Variants in THSD4 observed in about 807,000 individuals in gnomAD.
THSD4 encodes the protein thrombospondin type-1 domain-containing protein 4.
A neutral mutation model predicts 119.0 loss-of-function variants in THSD4; 69 were observed. The observed-to-expected ratio is 0.58, with a 90% CI of 0.48 to 0.71. The LOEUF is 0.71. Ranked by LOEUF, THSD4 falls within the 30% of genes least tolerant of loss-of-function variation. The probability of loss-of-function intolerance (pLI) is 0.00; values close to 1 mark genes in which losing one functional copy is unlikely to be tolerated. For synonymous variants in THSD4, 524 were observed against 540.4 expected, an observed-to-expected ratio of 0.97 and a Z score of 0.42; for missense variants, 1,393 against 1,391.1, an observed-to-expected ratio of 1.00 and a Z score of -0.02.
At chr15:71,730,636 G>A (rs1478207464) in intron 9 of THSD4, 1 of 153,822 alleles carries the variant, frequency 6.5e-6, no homozygotes, top group African/African-American at 2.4e-5. Context: ...AGGGACCTGG[G>A]GGCCAGCCTC....
intron 6 of THSD4, among the ~76,000 whole-genome samples, chr15:71,390,709 G>A (rs909530754): frequency 6.6e-6 from 1 of 152,128 alleles, no homozygotes; most frequent in South Asian, 2.1e-4. Context: ...ACAGAGTAGA[G>A]TTGGAAGGGG....
chr15:71,665,347 GTT>G (rs71154792), intron 8 of THSD4, among the ~76,000 whole-genome samples: 1 of 151,768 alleles, frequency 6.6e-6, no homozygotes, highest in East Asian at 1.9e-4. Context: ...TAATGGGGTT[GTT>G]TTTTTTTCCG....
chr15:71,196,387 TAA>T (rs1173590131), intron 3 of THSD4, among the ~76,000 whole-genome samples: 1 of 152,128 alleles, frequency 6.6e-6, no homozygotes, highest in Non-Finnish European at 1.5e-5. Context: ...CTATAGTAGG[TAA>T]AGTTTTCCAC....
intron 4 of THSD4, 114 bp from the exon 5 acceptor site, chr15:71,242,535 C>T: frequency 8.7e-7 from 1 of 1,148,544 alleles, no homozygotes; most frequent in Non-Finnish European, 1.3e-6. Context: ...TACCATAGAC[C>T]CTTTCCCAAG....
At chr15:71,771,346 CT>C in intron 17 of THSD4, 138 bp downstream of exon 17, 1 of 1,140,924 alleles carries the variant, frequency 8.8e-7, no homozygotes. Flanking sequence ...GGTTGAGGTG[CT>C]TTTGGTATTA....
intron 1 of THSD4, among the ~76,000 whole-genome samples, chr15:71,099,299 T>C (rs986512386): frequency 1.3e-5 from 2 of 152,224 alleles, no homozygotes; most frequent in African/African-American, 2.4e-5. Flanking sequence ...TAGTTGGTGG[T>C]GTTGCTCAGT....
chr15:71,759,763 G>C (rs908206659), intron 15 of THSD4, among the ~76,000 whole-genome samples: 1 of 152,122 alleles, frequency 6.6e-6, no homozygotes, highest in Non-Finnish European at 1.5e-5. Context: ...CAGGATTCAG[G>C]GCCTTTTTTG....
At chr15:71,231,710 C>T (rs974706054) in intron 4 of THSD4, among the ~76,000 whole-genome samples, 1 of 152,148 alleles carries the variant, frequency 6.6e-6, no homozygotes, top group Non-Finnish European at 1.5e-5. Context: ...TCTAGTCAAA[C>T]CTGCAGCTAA....
chr15:71,315,121 GC>G (rs1273269434), intron 6 of THSD4, among the ~76,000 whole-genome samples: 2 of 152,156 alleles, frequency 1.3e-5, no homozygotes, highest in Non-Finnish European at 2.9e-5. Flanking sequence ...AACACTCTCT[GC>G]CCTCTGGGTC....
intron 6 of THSD4, among the ~76,000 whole-genome samples, chr15:71,379,512 G>A (rs2046200002): frequency 7.4e-6 from 1 of 134,844 alleles, no homozygotes; most frequent in Admixed American, 8.2e-5. Context: ...AGGCTGGAGT[G>A]CAGTGGTGCG....
chr15:71,588,703 G>A (rs1267573607), intron 7 of THSD4, among the ~76,000 whole-genome samples: 1 of 152,176 alleles, frequency 6.6e-6, no homozygotes, highest in Non-Finnish European at 1.5e-5. Context: ...CAAAGTGCTA[G>A]GATTATAGGC....
intron 7 of THSD4, among the ~76,000 whole-genome samples, chr15:71,433,249 A>C (rs560738593): frequency 6.6e-6 from 1 of 151,028 alleles, no homozygotes; most frequent in African/African-American, 2.4e-5. Flanking sequence ...ATTTATTTAG[A>C]TATGACACAG....
intron 3 of THSD4, among the ~76,000 whole-genome samples, chr15:71,180,398 T>G (rs1194225797): frequency 6.6e-6 from 1 of 152,106 alleles, no homozygotes; most frequent in Non-Finnish European, 1.5e-5. Context: ...TAAAAGATGC[T>G]CAATGTTTAG....
intron 7 of THSD4, among the ~76,000 whole-genome samples, chr15:71,486,434 T>C (rs1189818869): frequency 2.0e-5 from 3 of 152,172 alleles, no homozygotes; most frequent in Non-Finnish European, 2.9e-5. Context: ...AGTTACATTT[T>C]AGGATACTCC....
chr15:71,210,899 TTTTTACTGTTGTTCTTACAAA>T (rs1458355409), intron 3 of THSD4, among the ~76,000 whole-genome samples: 1 of 152,204 alleles, frequency 6.6e-6, no homozygotes, highest in Non-Finnish European at 1.5e-5. Flanking sequence ...TTGCTTCCTT[TTTTTACTGTTGTTCTTACAAA>T]ATATGATGCA....
intron 7 of THSD4, among the ~76,000 whole-genome samples, chr15:71,424,838 A>C (rs1176656046): frequency 6.6e-6 from 1 of 152,198 alleles, no homozygotes; most frequent in Non-Finnish European, 1.5e-5. Flanking sequence ...ACTTAATAAA[A>C]ATAGATGAAA....
intron 7 of THSD4, among the ~76,000 whole-genome samples, chr15:71,519,987 G>A (rs2048416334): frequency 6.6e-6 from 1 of 152,172 alleles, no homozygotes; most frequent in South Asian, 2.1e-4. Flanking sequence ...GCAAATCACA[G>A]GATAGCTAGT....
At chr15:71,222,488 G>A (rs1381015399) in intron 4 of THSD4, among the ~76,000 whole-genome samples, 2 of 152,194 alleles carry the variant, frequency 1.3e-5, no homozygotes, top group African/African-American at 4.8e-5. Context: ...GAGCCAAGCA[G>A]TGCCAGGTTG....
chr15:71,510,690 G>A (rs1327740536), intron 7 of THSD4, among the ~76,000 whole-genome samples: 1 of 152,212 alleles, frequency 6.6e-6, no homozygotes, highest in Non-Finnish European at 1.5e-5. Context: ...CCAGCCTCAT[G>A]TTCTGTTACG....
Sources: gnomAD v4.1 joint callset for allele counts (sites outside exome capture counted in the v4.1 genomes callset) on GRCh38, gnomAD v4.1.1 for gene constraint, MANE v1.5 for transcripts, NCBI Gene and HGNC (gene_info 2026-07-23, HGNC 2026-07-21) for gene names.